ARV1: variants seen among roughly 807,000 people sequenced by gnomAD.
ARV1 encodes the protein ARV1 fatty acid homeostasis modulator, also known as protein ARV1.
In ARV1, 26 loss-of-function variants were observed where a neutral mutation model predicts 31.1. The observed-to-expected ratio is 0.84, with a 90% CI of 0.61 to 1.16. The LOEUF is 1.16. Among genes scored for constraint, ARV1 ranks in the 50% most tolerant of loss-of-function variants. The probability of loss-of-function intolerance (pLI) is 0.00; values close to 1 mark genes in which losing one functional copy is unlikely to be tolerated. For missense variants in ARV1, 281 were observed against 324.9 expected (o/e 0.86, Z 1.04); for synonymous variants, 117 against 123.2 (o/e 0.95, Z 0.34).
intron 1 of ARV1, 146 bp downstream of exon 1, chr1:230,979,425 A>G: frequency 2.2e-6 from 2 of 918,782 alleles, no homozygotes; most frequent in East Asian, 3.0e-5. Flanking sequence ...CTGTACTGAT[A>G]GAGAACTCAG....
intron 2 of ARV1, among the ~76,000 whole-genome samples, 175 bp downstream of exon 2, chr1:230,988,614 A>T (rs1241292348): frequency 3.9e-5 from 6 of 152,160 alleles, no homozygotes; most frequent in Non-Finnish European, 5.9e-5. Flanking sequence ...ATAGATGTTG[A>T]TTTTGAAAGG....
intron 4 of ARV1, among the ~76,000 whole-genome samples, chr1:230,996,498 G>A (rs138788181): frequency 5.9e-5 from 9 of 152,186 alleles, no homozygotes; most frequent in African/African-American, 1.9e-4. Flanking sequence ...CCAGGCTAGA[G>A]TGCAGTGATG....
At chr1:230,993,710 C>A (rs1679290194) in intron 3 of ARV1, among the ~76,000 whole-genome samples, 1 of 152,158 alleles carries the variant, frequency 6.6e-6, no homozygotes, top group Admixed American at 6.5e-5. Flanking sequence ...GCCTGGGCAA[C>A]ATGGCAATAT....
At chr1:230,993,876 C>T (rs1679294283) in intron 3 of ARV1, among the ~76,000 whole-genome samples, 1 of 152,122 alleles carries the variant, frequency 6.6e-6, no homozygotes, top group Non-Finnish European at 1.5e-5. Flanking sequence ...GCCTGGATGA[C>T]CAAGACAGAC....
At chr1:230,996,973 A>C in intron 4 of ARV1, 148 bp from the exon 5 acceptor site, 2 of 905,360 alleles carry the variant, frequency 2.2e-6, no homozygotes, top group Non-Finnish European at 3.2e-6. Context: ...TAGATGGAAA[A>C]GTGGGAGAAG....
At chr1:230,998,233 A>G (rs1329757527) in intron 5 of ARV1, among the ~76,000 whole-genome samples, 1 of 152,114 alleles carries the variant, frequency 6.6e-6, no homozygotes, top group Non-Finnish European at 1.5e-5. Context: ...TGGGCCAGAG[A>G]GTGAGGAAAA....
At chr1:230,993,203 G>A (rs1679278670) in intron 3 of ARV1, among the ~76,000 whole-genome samples, 1 of 151,944 alleles carries the variant, frequency 6.6e-6, no homozygotes, top group Non-Finnish European at 1.5e-5. Context: ...GGATCCCCCT[G>A]CCTCCGTCTC....
At chr1:230,979,559 T>G in intron 1 of ARV1, 1 of 397,330 alleles carries the variant, frequency 2.5e-6, no homozygotes, top group Non-Finnish European at 4.5e-6. Context: ...AAAGATCAAT[T>G]AGGTTGACAT....
intron 1 of ARV1, among the ~76,000 whole-genome samples, chr1:230,986,821 A>C (rs1007191611): frequency 3.3e-5 from 5 of 151,732 alleles, no homozygotes; most frequent in Admixed American, 2.6e-4. Context: ...ACAGATGTGA[A>C]CCATGGCACC....
At position 231,000,570 on chromosome 1, in the gene ARV1, T is replaced by C. The variant is rs1222617560; in HGVS notation, c.*437T>C. On this transcript the variant is annotated 3_prime_UTR_variant, in exon 6 of 6. Transcript: ENST00000310256. The stretch of plus-strand genomic sequence containing the variant: ...TGTGTTCTTACAATAGAAACGCTTT[T>C]AATAAAGTCTTTCAGAATAAACCAA... The C allele has an allele frequency of 6.6e-6, 1 of 152,252 alleles. No individual in the cohort carries two copies. The highest frequency in any genetic ancestry group is 1.5e-5 in the Non-Finnish European group (1 of 68,034). 9.4% of individuals were successfully genotyped at this position (152,252 alleles called of 1,614,324 possible). A position where few individuals can be genotyped will look rare whatever the true frequency, so the allele number is the denominator to read the frequency against.
chr1:230,992,847 A>G (rs1345328233), intron 3 of ARV1, among the ~76,000 whole-genome samples: 1 of 152,210 alleles, frequency 6.6e-6, no homozygotes, highest in Non-Finnish European at 1.5e-5. Context: ...CGCCTCCATT[A>G]TTATGTAATT....
rs1572330745 is a variant in ARV1 at position 230,979,521 on chromosome 1, T to C, written c.174+242T>C. The stretch of plus-strand genomic sequence containing the variant: ...AACGGACCGGACCGACAGACAGAGG[T>C]AGATGTGGGCATTTTGCAGAGAAAT... On this transcript the variant is annotated intron_variant, in intron 1 of 5. Coordinates refer to ENST00000310256, the MANE Select transcript of ARV1 (RefSeq NM_022786.3). The C allele has an allele frequency of 6.1e-6, 3 of 493,884 alleles. No individual in the cohort carries two copies. In the East Asian group the frequency reaches 1.2e-4, roughly 20 times the overall value. The allele number at this position is 493,884 out of a possible 1,614,324, so 30.6% of individuals were successfully genotyped here.
At chr1:230,979,424 T>TA in intron 1 of ARV1, 145 bp downstream of exon 1, 1 of 926,206 alleles carries the variant, frequency 1.1e-6, no homozygotes, top group Non-Finnish European at 1.6e-6. Context: ...TCTGTACTGA[T>TA]AGAGAACTCA....
chr1:230,987,662 A>G (rs575110035), intron 1 of ARV1, among the ~76,000 whole-genome samples: 4 of 152,322 alleles, frequency 2.6e-5, no homozygotes, highest in African/African-American at 9.6e-5. Context: ...TGCACAGCCC[A>G]GCACTCTCCA....
intron 2 of ARV1, among the ~76,000 whole-genome samples, chr1:230,988,781 G>C (rs901295657): frequency 6.6e-6 from 1 of 152,126 alleles, no homozygotes; most frequent in African/African-American, 2.4e-5. Flanking sequence ...ATACCTAAAT[G>C]AGTTAAGCAA....
In ARV1 at chr1:230,987,458, G is replaced by T. The variant is rs1679116352; in HGVS notation, c.175-862G>T. ...TAGAGGTCACATTTCTAATGAGCTTGTTTGTGTATACCTGCGTTTTTTATG... is the reference window on the plus strand; with the variant it reads ...TAGAGGTCACATTTCTAATGAGCTTTTTTGTGTATACCTGCGTTTTTTATG... On this transcript the variant is annotated intron_variant, in intron 1 of 5. Coordinates refer to ENST00000310256, the MANE Select transcript of ARV1 (RefSeq NM_022786.3). Among the ~76,000 whole-genome samples the T allele has an allele frequency of 2.0e-5, 3 of 152,314 alleles. No homozygotes were observed. The South Asian group carries it at 6.2e-4, about 32-fold the overall frequency.
Position 230,988,418 on chromosome 1 carries a change from T to C in ARV1, c.273T>C (p.Ile91=). The change falls in exon 2 of 6, where the codon ATT becomes ATC. Residue 91 remains isoleucine, a synonymous_variant. Coordinates refer to ENST00000310256, the MANE Select transcript of ARV1 (RefSeq NM_022786.3). ...ILCKAQAYRH[I]LFNTQINIHG... is the part of the protein sequence containing the mutation. ...GCAAAGCTCAGGCCTACAGACATATTCTTTTCAATACTCAAATAAATGTAA... is the reference window on the plus strand; with the variant it reads ...GCAAAGCTCAGGCCTACAGACATATCCTTTTCAATACTCAAATAAATGTAA... 1 of 1,575,716 alleles carries C rather than the reference T, an allele frequency of 6.3e-7. No individual in the cohort carries two copies. The highest frequency in any genetic ancestry group is 8.6e-7 in the Non-Finnish European group (1 of 1,157,290).
intron 1 of ARV1, among the ~76,000 whole-genome samples, chr1:230,983,179 C>G (rs1447010089): frequency 6.6e-6 from 1 of 152,118 alleles, no homozygotes; most frequent in Non-Finnish European, 1.5e-5. Flanking sequence ...CTTTGGGAGG[C>G]CAAGGCAGGC....
At chr1:230,999,865 A>G (rs1257809969) in intron 5 of ARV1, 1 of 152,212 alleles carries the variant, frequency 6.6e-6, no homozygotes, top group South Asian at 2.1e-4. Flanking sequence ...ATTATAATTT[A>G]TAGTTAGGAA....
Sources: gnomAD v4.1 joint callset for allele counts (sites outside exome capture counted in the v4.1 genomes callset) on GRCh38, gnomAD v4.1.1 for gene constraint, MANE v1.5 for transcripts, NCBI Gene and HGNC (gene_info 2026-07-23, HGNC 2026-07-21) for gene names.